The following ADGRB3 variants were observed in gnomAD, a reference collection of about 807,000 sequenced individuals.
ADGRB3 encodes the protein adhesion G protein-coupled receptor B3.
ADGRB3 carries 37 observed loss-of-function variants against 193.4 expected under a neutral mutation model. The ratio of observed to expected loss-of-function variants is 0.19; its 90% CI spans 0.15 to 0.25. ADGRB3 has a LOEUF of 0.25. ADGRB3 is among the 10% of genes least tolerant of loss of function. The probability of loss-of-function intolerance (pLI) is 1.00; values close to 1 mark genes in which losing one functional copy is unlikely to be tolerated. For missense variants in ADGRB3, 1,637 were observed against 1,852.9 expected (o/e 0.88, Z 2.14); for synonymous variants, 690 against 644.2 (o/e 1.07, Z -1.08).
At chr6:69,110,659 A>G (rs1253061112) in intron 17 of ADGRB3, among the ~76,000 whole-genome samples, 2 of 152,238 alleles carry the variant, frequency 1.3e-5, no homozygotes, top group African/African-American at 4.8e-5. Context: ...TTAAAAATTA[A>G]CAATAGTTTA....
chr6:69,364,031 A>G (rs1203901599), intron 29 of ADGRB3, among the ~76,000 whole-genome samples: 2 of 152,056 alleles, frequency 1.3e-5, no homozygotes, highest in African/African-American at 4.8e-5. Flanking sequence ...CCTAAGCAAT[A>G]GGACAATTTA....
At chr6:69,354,432 C>G in intron 27 of ADGRB3, 104 bp downstream of exon 27, 1 of 972,792 alleles carries the variant, frequency 1.0e-6, no homozygotes, top group Non-Finnish European at 1.6e-6. Context: ...TTTTGATTGA[C>G]TTTGGCTTCA....
intron 3 of ADGRB3, among the ~76,000 whole-genome samples, chr6:68,907,211 G>A (rs1246595449): frequency 6.6e-6 from 1 of 151,672 alleles, no homozygotes; most frequent in Non-Finnish European, 1.5e-5. Flanking sequence ...AGAAATTATT[G>A]TTTATAATTT....
chr6:68,945,984 A>G (rs1253040096), intron 6 of ADGRB3, among the ~76,000 whole-genome samples: 1 of 152,078 alleles, frequency 6.6e-6, no homozygotes, highest in Non-Finnish European at 1.5e-5. Context: ...TTTGTGCATT[A>G]TGACTATATT....
chr6:69,053,686 C>T (rs1417689719), intron 15 of ADGRB3, among the ~76,000 whole-genome samples: 1 of 152,206 alleles, frequency 6.6e-6, no homozygotes, highest in African/African-American at 2.4e-5. Context: ...ACCACATTCA[C>T]ATTAAGGAAT....
chr6:69,299,586 A>C (rs1767907445), intron 20 of ADGRB3, among the ~76,000 whole-genome samples: 2 of 151,970 alleles, frequency 1.3e-5, no homozygotes, highest in Admixed American at 1.3e-4. Context: ...GTCTAGTTTC[A>C]TTCTTCTGCA....
Position 68,918,938 on chromosome 6 carries a change from A to C in ADGRB3, c.758-11621A>C, listed in dbSNP as rs565733603. On this transcript the variant is annotated intron_variant, in intron 3 of 31. Coordinates refer to ENST00000370598, the MANE Select transcript of ADGRB3 (RefSeq NM_001704.3). ...TATCTAAATATCACTATTATTAATA[A>C]TTTATTTTTCAATTCCTTCCACAAT... is the stretch of plus-strand genomic sequence containing the variant. Among the ~76,000 whole-genome samples the C allele has an allele frequency of 7.2e-5, 11 of 152,118 alleles. No individual in the cohort carries two copies. The South Asian group carries it at 2.3e-3, about 32-fold the overall frequency.
intron 3 of ADGRB3, among the ~76,000 whole-genome samples, 162 bp from the exon 4 acceptor site, chr6:68,930,395 CTT>C (rs1767305769): frequency 6.6e-6 from 1 of 151,812 alleles, no homozygotes; most frequent in Non-Finnish European, 1.5e-5. Context: ...GGTTTTCTGA[CTT>C]GAGTTTAGAG....
intron 1 of ADGRB3, 47 bp from the exon 2 acceptor site, chr6:68,637,344 A>T (rs1406487750): frequency 1.3e-5 from 2 of 152,664 alleles, no homozygotes; most frequent in Non-Finnish European, 2.9e-5. Context: ...CAAAGGCATG[A>T]AAACTCTTAA....
chr6:68,926,057 T>C (rs965287276), intron 3 of ADGRB3, among the ~76,000 whole-genome samples: 1 of 152,088 alleles, frequency 6.6e-6, no homozygotes, highest in Non-Finnish European at 1.5e-5. Context: ...ACTTCACAGA[T>C]AATTTTGTTT....
At chr6:69,114,252 C>G (rs1773457885) in intron 17 of ADGRB3, among the ~76,000 whole-genome samples, 1 of 152,112 alleles carries the variant, frequency 6.6e-6, no homozygotes, top group African/African-American at 2.4e-5. Context: ...TGGTGCAAGA[C>G]AAGACAAAGA....
At chr6:69,208,032 C>A (rs1017061722) in intron 17 of ADGRB3, among the ~76,000 whole-genome samples, 1 of 152,198 alleles carries the variant, frequency 6.6e-6, no homozygotes, top group African/African-American at 2.4e-5. Context: ...CGGCGTTGGT[C>A]TCTGCCACTG....
chr6:68,986,140 T>C (rs1228546112), intron 10 of ADGRB3, among the ~76,000 whole-genome samples: 2 of 152,190 alleles, frequency 1.3e-5, no homozygotes, highest in East Asian at 3.8e-4. Context: ...CTCATTCTTA[T>C]TTTGGAAATT....
At chr6:69,017,707 T>TA (rs1323135557) in intron 12 of ADGRB3, among the ~76,000 whole-genome samples, 1 of 151,904 alleles carries the variant, frequency 6.6e-6, no homozygotes, top group Non-Finnish European at 1.5e-5. Flanking sequence ...GTTAGGTAGA[T>TA]ACTGCTTAGC....
chr6:68,887,718 AT>A lies in ADGRB3; in HGVS notation c.758-42834del, dbSNP rs1348839915. Reference sequence around the variant, plus strand: ...TTATCAACATTGTCTTATGTAATTTATTTTTTTATGAGGATTATATTTTTAA... The same window carrying A: ...TTATCAACATTGTCTTATGTAATTTATTTTTTATGAGGATTATATTTTTAA... On this transcript the variant is annotated intron_variant, in intron 3 of 31. Coordinates refer to ENST00000370598, the MANE Select transcript of ADGRB3 (RefSeq NM_001704.3). Among the ~76,000 whole-genome samples, 25 of 152,172 alleles carry A rather than the reference AT, an allele frequency of 1.6e-4. No individual in the cohort carries two copies. In the East Asian group the frequency reaches 3.9e-3, roughly 23 times the overall value.
intron 17 of ADGRB3, among the ~76,000 whole-genome samples, chr6:69,095,312 C>T (rs1772841037): frequency 6.8e-6 from 1 of 146,404 alleles, no homozygotes; most frequent in Non-Finnish European, 1.5e-5. Flanking sequence ...CATGGGAGGC[C>T]TTCAACAGAA....
intron 15 of ADGRB3, among the ~76,000 whole-genome samples, chr6:69,054,201 TAAAG>T (rs1421499471): frequency 3.9e-5 from 6 of 152,182 alleles, no homozygotes; most frequent in African/African-American, 1.4e-4. Flanking sequence ...AAATTATTTT[TAAAG>T]AAAGGAACAA....
intron 17 of ADGRB3, among the ~76,000 whole-genome samples, chr6:69,093,887 T>C (rs1032178105): frequency 1.3e-5 from 2 of 152,218 alleles, no homozygotes; most frequent in Non-Finnish European, 2.9e-5. Context: ...AGGGAGTTTG[T>C]ACTTTTTCCT....
At chr6:69,184,816 G>A (rs752521842) in intron 17 of ADGRB3, among the ~76,000 whole-genome samples, 2 of 152,020 alleles carry the variant, frequency 1.3e-5, no homozygotes, top group African/African-American at 2.4e-5. Flanking sequence ...TTATGGGGCA[G>A]ATTTGTTAGT....
Sources: gnomAD v4.1 joint callset for allele counts (sites outside exome capture counted in the v4.1 genomes callset) on GRCh38, gnomAD v4.1.1 for gene constraint, MANE v1.5 for transcripts, NCBI Gene and HGNC (gene_info 2026-07-23, HGNC 2026-07-21) for gene names.